CNTNAP2: variants seen among roughly 807,000 people sequenced by gnomAD.
CNTNAP2 encodes the protein contactin associated protein 2, also known as contactin-associated protein-like 2.
In CNTNAP2, 98 loss-of-function variants were observed where a neutral mutation model predicts 155.2. The ratio of observed to expected loss-of-function variants is 0.63; its 90% CI spans 0.54 to 0.75. The LOEUF (loss-of-function observed/expected upper bound fraction) is 0.75. CNTNAP2 is among the 30% of genes least tolerant of loss of function. The probability of loss-of-function intolerance (pLI) is 0.00; values close to 1 mark genes in which losing one functional copy is unlikely to be tolerated. For missense variants in CNTNAP2, 1,727 were observed against 1,688.1 expected (o/e 1.02, Z -0.40); for synonymous variants, 651 against 631.2 (o/e 1.03, Z -0.47).
intron 15 of CNTNAP2, among the ~76,000 whole-genome samples, chr7:147,991,664 T>G (rs376552725): frequency 8.5e-5 from 13 of 152,322 alleles, no homozygotes; most frequent in East Asian, 1.9e-4. Context: ...TAAATTTATA[T>G]AACTCATTGT....
chr7:147,993,465 G>A (rs972348482), intron 15 of CNTNAP2, among the ~76,000 whole-genome samples: 4 of 152,180 alleles, frequency 2.6e-5, no homozygotes, highest in Admixed American at 6.5e-5. Flanking sequence ...TTCTTTGCCT[G>A]CAGAACTGAC....
chr7:146,486,145 A>G (rs1451886982), intron 1 of CNTNAP2, among the ~76,000 whole-genome samples: 2 of 136,982 alleles, frequency 1.5e-5, no homozygotes, highest in Non-Finnish European at 3.0e-5. Context: ...GCTCACTGCA[A>G]ACTCCGCCTC....
Position 146,520,939 on chromosome 7 carries a change from C to A in CNTNAP2, c.98-253332C>A, listed in dbSNP as rs536589482. Among the ~76,000 whole-genome samples the A allele has an allele frequency of 4.6e-5, 7 of 152,024 alleles. No individual in the cohort carries two copies. The South Asian group carries it at 1.2e-3, about 27-fold the overall frequency. Reference sequence around the variant, plus strand: ...ACCAGATAGAACTCTGACTCCAACACTTTCCATCCTTATATTCCCCAAAAT... The same window carrying A: ...ACCAGATAGAACTCTGACTCCAACAATTTCCATCCTTATATTCCCCAAAAT... On this transcript the variant is annotated intron_variant, in intron 1 of 23. Coordinates refer to ENST00000361727, the MANE Select transcript of CNTNAP2 (RefSeq NM_014141.6).
chr7:147,661,843 G>A (rs558547658), intron 13 of CNTNAP2, among the ~76,000 whole-genome samples: 1 of 152,200 alleles, frequency 6.6e-6, no homozygotes, highest in East Asian at 1.9e-4. Context: ...GAGCCACGGC[G>A]CCTGGCCCAT....
intron 3 of CNTNAP2, among the ~76,000 whole-genome samples, chr7:146,959,001 TTTTTATTTTA>T (rs200690975): frequency 6.6e-6 from 1 of 151,908 alleles, no homozygotes; most frequent in Non-Finnish European, 1.5e-5. Context: ...GATAATGACT[TTTTTATTTTA>T]TTTTATTTTA....
intron 1 of CNTNAP2, among the ~76,000 whole-genome samples, chr7:146,698,220 A>G (rs1178411795): frequency 6.6e-6 from 1 of 152,104 alleles, no homozygotes; most frequent in Non-Finnish European, 1.5e-5. Flanking sequence ...GAACCAAAAA[A>G]AATTATTTTA....
intron 1 of CNTNAP2, among the ~76,000 whole-genome samples, chr7:146,302,007 A>G (rs1800620446): frequency 6.6e-6 from 1 of 152,166 alleles, no homozygotes. Flanking sequence ...ACTCTTTCTG[A>G]AAAATTAATG....
intron 1 of CNTNAP2, among the ~76,000 whole-genome samples, chr7:146,453,565 A>G (rs1796512676): frequency 6.6e-6 from 1 of 152,330 alleles, no homozygotes. Context: ...GCAGGAAAAT[A>G]TAACCTAGAA....
At chr7:147,458,594 G>A (rs534195315) in intron 10 of CNTNAP2, among the ~76,000 whole-genome samples, 14 of 152,220 alleles carry the variant, frequency 9.2e-5, no homozygotes, top group East Asian at 1.9e-4. Flanking sequence ...GATGAGAAGC[G>A]GACATGCAGG....
intron 8 of CNTNAP2, among the ~76,000 whole-genome samples, chr7:147,291,328 A>T (rs1190303608): frequency 6.7e-6 from 1 of 149,804 alleles, no homozygotes; most frequent in East Asian, 2.0e-4. Context: ...CTTTCCCCTC[A>T]CTCCACAACA....
At chr7:148,276,731 TG>T (rs1796876833) in intron 21 of CNTNAP2, among the ~76,000 whole-genome samples, 1 of 152,236 alleles carries the variant, frequency 6.6e-6, no homozygotes, top group South Asian at 2.1e-4. Flanking sequence ...TAGAATAACG[TG>T]ATCAGATTGA....
intron 21 of CNTNAP2, among the ~76,000 whole-genome samples, chr7:148,279,377 T>C (rs967179309): frequency 6.6e-6 from 1 of 152,180 alleles, no homozygotes; most frequent in African/African-American, 2.4e-5. Context: ...GAGCCCATAG[T>C]ATTTGGTGAT....
chr7:147,370,197 GATT>G (rs1286892526), intron 9 of CNTNAP2, among the ~76,000 whole-genome samples: 1 of 152,190 alleles, frequency 6.6e-6, no homozygotes, highest in Non-Finnish European at 1.5e-5. Flanking sequence ...TCATATGCAT[GATT>G]ATATTTGTGT....
At chr7:146,922,263 A>G (rs200460436) in intron 3 of CNTNAP2, among the ~76,000 whole-genome samples, 4 of 372 alleles carry the variant, frequency 0.011, no homozygotes, top group Non-Finnish European at 0.016. Context: ...TTAATAAAGG[A>G]AAAAAAAAAA....
intron 13 of CNTNAP2, among the ~76,000 whole-genome samples, chr7:147,700,293 A>T (rs938716537): frequency 2.6e-5 from 4 of 152,204 alleles, no homozygotes. Flanking sequence ...TTAAGTATGA[A>T]TTATTAACAT....
At chr7:148,230,803 G>T (rs1259352516) in intron 20 of CNTNAP2, among the ~76,000 whole-genome samples, 2 of 152,100 alleles carry the variant, frequency 1.3e-5, no homozygotes, top group Non-Finnish European at 2.9e-5. Flanking sequence ...ATCAAAGGTG[G>T]CATAATAAGG....
At chr7:148,330,369 TG>T (rs1304369304) in intron 21 of CNTNAP2, among the ~76,000 whole-genome samples, 20 of 147,214 alleles carry the variant, frequency 1.4e-4, no homozygotes, top group African/African-American at 4.8e-4. Context: ...ATGGAATGGA[TG>T]GATAGATGGA....
chr7:148,172,496 T>C lies in CNTNAP2; in HGVS notation c.3010+18T>C. The C allele has an allele frequency of 6.2e-7, 1 of 1,606,300 alleles. No individual in the cohort carries two copies. The highest frequency in any genetic ancestry group is 1.1e-5 in the South Asian group (1 of 90,910). ...CAACAAAGGTAAGGTGGAACCCATT[T>C]CCAGAGCCACTTTTGCGTGTCTTTT... On this transcript the variant is annotated intron_variant, in intron 18 of 23. Transcript: ENST00000361727.
intron 3 of CNTNAP2, among the ~76,000 whole-genome samples, chr7:146,840,334 T>C (rs1200403091): frequency 2.0e-5 from 3 of 152,224 alleles, no homozygotes; most frequent in Non-Finnish European, 2.9e-5. Flanking sequence ...CATTTTATAA[T>C]AGTGTCTTAA....
Sources: allele counts gnomAD v4.1 joint callset (sites outside exome capture counted in the v4.1 genomes callset), GRCh38; gene constraint gnomAD v4.1.1; transcripts MANE v1.5; gene names NCBI Gene and HGNC (gene_info 2026-07-23, HGNC 2026-07-21).